Variants in BPI observed in about 807,000 individuals in gnomAD.
BPI encodes bactericidal permeability increasing protein.
A neutral mutation model predicts 57.6 loss-of-function variants in BPI; 48 were observed. The observed-to-expected ratio is 0.83, with a 90% CI of 0.66 to 1.06. The LOEUF (loss-of-function observed/expected upper bound fraction) is 1.06. Among genes scored for constraint, BPI ranks in the 50% least tolerant of loss-of-function variants. BPI has a pLI of 0.00. For synonymous variants in BPI, 237 were observed against 238.2 expected, an observed-to-expected ratio of 0.99 and a Z score of 0.05; for missense variants, 651 against 609.7, an observed-to-expected ratio of 1.07 and a Z score of -0.71.
At chr20:38,305,169 G>C (rs2076591101) in intron 1 of BPI, among the ~76,000 whole-genome samples, 1 of 152,060 alleles carries the variant, frequency 6.6e-6, no homozygotes, top group African/African-American at 2.4e-5. Context: ...AAAACAGACA[G>C]GACTCAGGGG....
intron 14 of BPI, among the ~76,000 whole-genome samples, chr20:38,336,719 A>T (rs559301418): frequency 6.6e-6 from 1 of 152,240 alleles, no homozygotes; most frequent in East Asian, 1.9e-4. Context: ...TATTCCTCAC[A>T]TTTTACCAAG....
chr20:38,329,005 CTAAATAAA>C (rs1555840412), intron 11 of BPI, among the ~76,000 whole-genome samples: 116 of 134,942 alleles, frequency 8.6e-4, no homozygotes, highest in Middle Eastern at 4.0e-3. Context: ...GACCCTGTCT[CTAAATAAA>C]TAAATAAATA....
intron 10 of BPI, 31 bp from the exon 11 acceptor site, chr20:38,327,555 AGG>A: frequency 6.2e-7 from 1 of 1,611,024 alleles, no homozygotes; most frequent in Non-Finnish European, 8.5e-7. Context: ...TGCCTGGGTC[AGG>A]GCACTTCACC....
intron 6 of BPI, 46 bp downstream of exon 6, chr20:38,318,522 AG>A (rs1468643818): frequency 6.3e-7 from 1 of 1,589,962 alleles, no homozygotes; most frequent in Non-Finnish European, 8.6e-7. Flanking sequence ...CAGAAATGGG[AG>A]GGGGTGAGGA....
intron 5 of BPI, 76 bp downstream of exon 5, chr20:38,312,013 G>T (rs2076624515): frequency 6.9e-7 from 1 of 1,443,184 alleles, no homozygotes; most frequent in Non-Finnish European, 9.7e-7. Flanking sequence ...CCCTTCTACG[G>T]ACACTCTGCT....
intron 5 of BPI, among the ~76,000 whole-genome samples, chr20:38,313,552 T>C (rs2076632329): frequency 6.6e-6 from 1 of 151,878 alleles, no homozygotes; most frequent in Non-Finnish European, 1.5e-5. Context: ...CTGAGAGGAG[T>C]GTTGAGATAT....
chr20:38,309,177 A>G, intron 3 of BPI, 119 bp downstream of exon 3: 5 of 1,395,206 alleles, frequency 3.6e-6, no homozygotes, highest in Admixed American at 4.1e-5. Context: ...CTATAGCCAC[A>G]GCGTTCCTCA....
intron 1 of BPI, among the ~76,000 whole-genome samples, chr20:38,307,012 G>C (rs1177205494): frequency 2.6e-5 from 4 of 152,010 alleles, no homozygotes; most frequent in Admixed American, 2.0e-4. Flanking sequence ...TGAAACCCCA[G>C]ATCTCTGCAA....
chr20:38,325,039 G>A (rs5743520), intron 9 of BPI, among the ~76,000 whole-genome samples: 7,616 of 152,292 alleles, frequency 0.05, 226 homozygotes, highest in South Asian at 0.11. Flanking sequence ...GTAGATGCTG[G>A]CAGGAGGTGG....
At position 38,311,917 on chromosome 20, in the gene BPI, C is replaced by T. The variant is rs773417495; in HGVS notation, c.580C>T (p.Arg194Ter). The change falls in exon 5 of 15, where the codon CGA becomes TGA. Residue 194 changes from arginine to a stop codon, truncating the protein, a stop_gained. Coordinates refer to ENST00000642449, the MANE Select transcript of BPI (RefSeq NM_001725.3). LOFTEE classifies it high-confidence loss of function. ...LFHKKIESALRNKMNSQVCEK... is the reference protein window; with the variant it reads ...LFHKKIESAL The stretch of plus-strand genomic sequence containing the variant: ...CCACAAAAAAATTGAGTCTGCGCTT[C>T]GAAACAAGATGAACAGCCAGGTAGG... The T allele has an allele frequency of 6.2e-6, 10 of 1,613,876 alleles. No homozygotes were observed. In the East Asian group the frequency reaches 8.9e-5, roughly 14 times the overall value.
Position 38,307,700 on chromosome 20 carries a change from C to T in BPI, c.245+19C>T. On this transcript the variant is annotated intron_variant, in intron 2 of 14. Coordinates refer to ENST00000642449, the MANE Select transcript of BPI (RefSeq NM_001725.3). ...TCTACAGGTGAGGCCTATCAGAGCT[C>T]AATCCTCGATTTGCAGGACTTGTAG... 1.9e-6 allele frequency: 3 copies of T among 1,581,108 alleles called. No individual in the cohort carries two copies. In the African/African-American group the frequency reaches 4.0e-5, roughly 21 times the overall value.
At chr20:38,327,676 A>C (rs1343577330) in intron 11 of BPI, 21 bp downstream of exon 11, 1 of 1,612,248 alleles carries the variant, frequency 6.2e-7, no homozygotes, top group East Asian at 2.2e-5. Context: ...CTGTGAGAGG[A>C]GGAGGGGGCT....
At chr20:38,332,318 G>T (rs1442981245) in intron 12 of BPI, among the ~76,000 whole-genome samples, 4 of 152,140 alleles carry the variant, frequency 2.6e-5, no homozygotes. Context: ...TACAGACAAG[G>T]GGTCATTGAG....
chr20:38,314,143 T>TGATGGTAATGGTGG (rs2076636963), intron 5 of BPI, among the ~76,000 whole-genome samples: 1 of 56,902 alleles, frequency 1.8e-5, no homozygotes, highest in Non-Finnish European at 4.2e-5. Context: ...ATGATGGTGG[T>TGATGGTAATGGTGG]GGTGAGATTG....
intron 4 of BPI, 56 bp downstream of exon 4, chr20:38,310,708 A>G: frequency 6.3e-7 from 1 of 1,577,420 alleles, no homozygotes; most frequent in Non-Finnish European, 8.7e-7. Context: ...AACTCTCCCA[A>G]TCATCCCTGT....
chr20:38,316,969 G>T (rs951827958), intron 5 of BPI, among the ~76,000 whole-genome samples: 1 of 152,162 alleles, frequency 6.6e-6, no homozygotes, highest in African/African-American at 2.4e-5. Flanking sequence ...GGAAGAGCTT[G>T]CAAAGAAGTC....
At position 38,311,251 on chromosome 20, in the gene BPI, C is replaced by A. The variant is rs561762461; in HGVS notation, c.536+599C>A. Among the ~76,000 whole-genome samples the A allele has an allele frequency of 1.0e-3, 158 of 152,350 alleles. 1 individual carries two copies. Among genetic ancestry groups the A allele is most frequent in the African/African-American group, 3.6e-3 (150 of 41,584 alleles). On this transcript the variant is annotated intron_variant, in intron 4 of 14. Transcript: ENST00000642449. ...TGAGTGTTCAAGTCCAGGTCTATTTCACCCCAGACTCAGCCACACAGTCCT... is the reference window on the plus strand; with the variant it reads ...TGAGTGTTCAAGTCCAGGTCTATTTAACCCCAGACTCAGCCACACAGTCCT...
chr20:38,317,730 T>A (rs910552625), intron 5 of BPI: 6 of 1,104,604 alleles, frequency 5.4e-6, no homozygotes, highest in African/African-American at 3.1e-5. Flanking sequence ...GCAAATGGAA[T>A]GGAAAATGTA....
At chr20:38,327,882 C>T (rs1455052150) in intron 11 of BPI, among the ~76,000 whole-genome samples, 1 of 152,164 alleles carries the variant, frequency 6.6e-6, no homozygotes, top group Non-Finnish European at 1.5e-5. Flanking sequence ...TTGTAGGTGA[C>T]CAACCATCTC....
Sources: gnomAD v4.1 joint callset for allele counts (sites outside exome capture counted in the v4.1 genomes callset) on GRCh38, gnomAD v4.1.1 for gene constraint, MANE v1.5 for transcripts, NCBI Gene and HGNC (gene_info 2026-07-23, HGNC 2026-07-21) for gene names.